Variants in ATXN2 observed in about 807,000 individuals in gnomAD.
ATXN2 encodes the protein ataxin-2.
In ATXN2, 37 loss-of-function variants were observed where a neutral mutation model predicts 138.6. That is an observed-to-expected ratio of 0.27 (90% CI 0.21 to 0.35). ATXN2 has a LOEUF of 0.35. ATXN2 is among the 10% of genes least tolerant of loss of function. The pLI is 1.00. For synonymous variants in ATXN2, 549 were observed against 543.7 expected (o/e 1.01, Z -0.13); for missense variants, 1,216 against 1,480.3 (o/e 0.82, Z 2.93).
chr12:111,520,145 A>G, intron 7 of ATXN2, 69 bp from the exon 8 acceptor site: 1 of 1,540,376 alleles, frequency 6.5e-7, no homozygotes, highest in South Asian at 1.2e-5. Flanking sequence ...TGTCATAATC[A>G]ACTACTAAGA....
intron 1 of ATXN2, among the ~76,000 whole-genome samples, chr12:111,558,323 TAATATAGTAACAAATACTG>T (rs1266136805): frequency 6.6e-6 from 1 of 152,182 alleles, no homozygotes; most frequent in East Asian, 1.9e-4. Context: ...TTTTACTATT[TAATATAGTAACAAATACTG>T]AACCGCAATA....
intron 1 of ATXN2, among the ~76,000 whole-genome samples, chr12:111,566,973 G>A (rs544411422): frequency 6.6e-6 from 1 of 152,210 alleles, no homozygotes; most frequent in Non-Finnish European, 1.5e-5. Flanking sequence ...ATGATTTTGA[G>A]GGGTTCAGGA....
Position 111,552,858 on chromosome 12 carries a change from G to T in ATXN2, c.420+48C>A. ...AAAAACTAGGTAAAACACTGACTATGAAAATGTTCTTTTACTTTGTAAGAA... is the reference window on the plus strand; with the variant it reads ...AAAAACTAGGTAAAACACTGACTATTAAAATGTTCTTTTACTTTGTAAGAA... On this transcript the variant is annotated intron_variant, in intron 4 of 24. Transcript: ENST00000673436. This position sits in a 1 kb window ranked among gnomAD's most constrained non-coding sequence, Gnocchi z 4.1. The T allele has an allele frequency of 7.7e-7, 1 of 1,306,130 alleles. No individual in the cohort carries two copies. The allele number at this position is 1,306,130 out of a possible 1,614,324, so 80.9% of individuals were successfully genotyped here.
chr12:111,599,557 C>A, upstream of ATXN2: 1 of 1,171,840 alleles, frequency 8.5e-7, no homozygotes, highest in Non-Finnish European at 1.1e-6. Context: ...AGCGGAGGTG[C>A]GGATAGGGAC....
intron 14 of ATXN2, among the ~76,000 whole-genome samples, chr12:111,493,311 T>A (rs1878165540): frequency 6.7e-6 from 1 of 150,118 alleles, no homozygotes; most frequent in South Asian, 2.1e-4. Flanking sequence ...TCCCAGCTAC[T>A]TGGGAGGCTG....
At position 111,553,604 on chromosome 12, in the gene ATXN2, A is replaced by ATTTT. The variant is rs745560171; in HGVS notation, c.348+550_348+553dup. Among the ~76,000 whole-genome samples, 44 of 85,006 alleles carry ATTTT rather than the reference A, an allele frequency of 5.2e-4. 2 individuals carry two copies. Among genetic ancestry groups the ATTTT allele is most frequent in the African/African-American group, 3.2e-3 (42 of 13,242 alleles). The allele number at this position is 85,006 out of a possible 152,430, so 55.8% of individuals were successfully genotyped here. A position where few individuals can be genotyped will look rare whatever the true frequency, so the allele number is the denominator to read the frequency against. ...AAAAAAAAAAAAAAAAAAAAAAAAA[A>ATTTT]TTTTTTTTTTTGAGAAGGGGTCTGT... On this transcript the variant is annotated intron_variant, in intron 3 of 24. Transcript: ENST00000673436.
chr12:111,525,424 G>T (rs1880430415), intron 5 of ATXN2, 108 bp from the exon 6 acceptor site: 6 of 1,188,700 alleles, frequency 5.0e-6, no homozygotes, highest in Non-Finnish European at 6.7e-6. Flanking sequence ...TACGAAAAAT[G>T]AATTTCACAT....
rs377618093 is a variant in ATXN2, at chr12:111,475,951, C to T, written c.2525-5209G>A. ...ATTATTATCTATCCATCTATGCGCA[C>T]GCATACACACACACTTTAAATACAG... On this transcript the variant is annotated intron_variant, in intron 18 of 24. Coordinates refer to ENST00000673436, the MANE Select transcript of ATXN2 (RefSeq NM_001372574.1). Among the ~76,000 whole-genome samples, 8 of 151,984 alleles carry T rather than the reference C, an allele frequency of 5.3e-5. No homozygotes were observed. In the East Asian group the frequency reaches 7.8e-4, roughly 15 times the overall value.
chr12:111,526,356 A>G (rs1457564248), intron 5 of ATXN2, among the ~76,000 whole-genome samples: 1 of 149,606 alleles, frequency 6.7e-6, no homozygotes, highest in Non-Finnish European at 1.5e-5. Flanking sequence ...CCCTGTCTCA[A>G]AAAAAAAAAG....
At chr12:111,478,169 G>A (rs547373501) in intron 18 of ATXN2, among the ~76,000 whole-genome samples, 1 of 152,128 alleles carries the variant, frequency 6.6e-6, no homozygotes, top group East Asian at 2.0e-4. Flanking sequence ...CACTTTGGGA[G>A]GCCGAGGCAG....
At chr12:111,482,445 C>T (rs1256802396) in intron 18 of ATXN2, among the ~76,000 whole-genome samples, 9 of 152,010 alleles carry the variant, frequency 5.9e-5, no homozygotes, top group Admixed American at 1.3e-4. Flanking sequence ...CTGCCCACCT[C>T]GGCCTCCCAA....
At chr12:111,556,406 A>G (rs1882391476) in intron 1 of ATXN2, among the ~76,000 whole-genome samples, 1 of 152,106 alleles carries the variant, frequency 6.6e-6, no homozygotes, top group South Asian at 2.1e-4. Context: ...CAAAGTAACC[A>G]ATCACTGTTA....
chr12:111,561,585 CCACTT>C (rs1174773230), intron 1 of ATXN2, among the ~76,000 whole-genome samples: 3 of 151,104 alleles, frequency 2.0e-5, no homozygotes, highest in Non-Finnish European at 4.4e-5. Context: ...CATAATCCCA[CCACTT>C]CAAGAGGCCA....
intron 6 of ATXN2, among the ~76,000 whole-genome samples, chr12:111,524,887 C>G (rs1001127961): frequency 2.0e-5 from 3 of 152,134 alleles, no homozygotes; most frequent in Admixed American, 6.6e-5. Context: ...CAAAACACAC[C>G]GGCATTTCCC....
intron 18 of ATXN2, among the ~76,000 whole-genome samples, chr12:111,481,997 C>G (rs1050776878): frequency 6.6e-6 from 1 of 151,952 alleles, no homozygotes; most frequent in Non-Finnish European, 1.5e-5. Flanking sequence ...TCCACAAAAG[C>G]ATTACTCATT....
chr12:111,592,446 C>T (rs1884716904), intron 1 of ATXN2, among the ~76,000 whole-genome samples: 1 of 151,382 alleles, frequency 6.6e-6, no homozygotes, highest in African/African-American at 2.4e-5. Flanking sequence ...CCCAGATATC[C>T]TTTGGAAAAA....
Position 111,537,401 on chromosome 12 carries a change from A to G in ATXN2, c.572-12085T>C, listed in dbSNP as rs182992048. On this transcript the variant is annotated intron_variant, in intron 5 of 24. Coordinates refer to ENST00000673436, the MANE Select transcript of ATXN2 (RefSeq NM_001372574.1). ...GGAATTCGAGACCAGCCTGGCCAAC[A>G]TGGTGCAACCCCGTCTTTACTAAAA... Among the ~76,000 whole-genome samples, 5 of 152,070 alleles carry G rather than the reference A, an allele frequency of 3.3e-5. No homozygotes were observed. The East Asian group carries it at 7.8e-4, about 24-fold the overall frequency.
intron 3 of ATXN2, among the ~76,000 whole-genome samples, 179 bp from the exon 4 acceptor site, chr12:111,553,156 G>A (rs964342598): frequency 4.6e-5 from 7 of 152,030 alleles, no homozygotes; most frequent in African/African-American, 1.7e-4. Context: ...AATTCTTCAG[G>A]AGGCTCTACT....
chr12:111,518,298 A>T lies in ATXN2; in HGVS notation c.1116T>A (p.Thr372=). 6.2e-7 allele frequency: 1 copy of T among 1,612,036 alleles called. No homozygotes were observed. Among genetic ancestry groups the T allele is most frequent in the Non-Finnish European group, 8.5e-7 (1 of 1,178,596 alleles). ...GSMPSRSTSH[T]SDFNPNSGSD... ...AACCAGAATTCGGGTTGAAATCTGAAGTGTGAGAAGTGGATCTTGATGGCA... is the reference window on the plus strand; with the variant it reads ...AACCAGAATTCGGGTTGAAATCTGATGTGTGAGAAGTGGATCTTGATGGCA... Residue 372 remains threonine, a synonymous_variant, in exon 9 of 25, where the codon ACT becomes ACA. Coordinates refer to ENST00000673436, the MANE Select transcript of ATXN2 (RefSeq NM_001372574.1).
Sources: gnomAD v4.1 joint callset for allele counts (sites outside exome capture counted in the v4.1 genomes callset) on GRCh38, gnomAD v4.1.1 for gene constraint, Gnocchi (gnomAD v3.1) non-coding constraint, MANE v1.5 for transcripts, NCBI Gene and HGNC (gene_info 2026-07-23, HGNC 2026-07-21) for gene names.